The following DLGAP2 variants were observed in gnomAD, a reference collection of about 807,000 sequenced individuals.
DLGAP2 encodes the protein DLG associated protein 2.
A neutral mutation model predicts 100.3 loss-of-function variants in DLGAP2; 26 were observed. The observed-to-expected ratio is 0.26, with a 90% CI of 0.19 to 0.36. The LOEUF is 0.36. Ranked by LOEUF, DLGAP2 falls within the 10% of genes least tolerant of loss-of-function variation. DLGAP2 has a pLI of 1.00. For synonymous variants in DLGAP2, 886 were observed against 630.1 expected (o/e 1.41, Z -6.08); for missense variants, 1,858 against 1,453.2 (o/e 1.28, Z -4.53).
intron 3 of DLGAP2, among the ~76,000 whole-genome samples, chr8:1,318,406 T>C (rs1391471492): frequency 6.6e-6 from 1 of 151,426 alleles, no homozygotes; most frequent in African/African-American, 2.4e-5. Flanking sequence ...ACTGTCCATA[T>C]CTAGTTCACC....
intron 8 of DLGAP2, among the ~76,000 whole-genome samples, chr8:1,662,517 G>T (rs1477640663): frequency 6.6e-6 from 1 of 152,138 alleles, no homozygotes; most frequent in Non-Finnish European, 1.5e-5. Context: ...TGAGAAATAA[G>T]GTTCTGCTAT....
At chr8:1,626,281 C>T (rs868072739) in intron 6 of DLGAP2, among the ~76,000 whole-genome samples, 6 of 88,266 alleles carry the variant, frequency 6.8e-5, no homozygotes, top group Admixed American at 2.2e-4. Context: ...GGTTGGACGG[C>T]TGTTCCCATC....
intron 1 of DLGAP2, among the ~76,000 whole-genome samples, chr8:746,895 GC>G (rs1392066304): frequency 1.3e-5 from 2 of 152,220 alleles, no homozygotes; most frequent in East Asian, 3.9e-4. Flanking sequence ...CGAGGACGGT[GC>G]CCCTGTTAGG....
Position 1,032,209 on chromosome 8 carries a change from T to G in DLGAP2, c.73+124243T>G, listed in dbSNP as rs527905882. Reference sequence around the variant, plus strand: ...GGAGCTGTTCGCCTTCCAGAGCTCATAGTAGGAGGGGCAGCAAAGGTGTGT... The same window carrying G: ...GGAGCTGTTCGCCTTCCAGAGCTCAGAGTAGGAGGGGCAGCAAAGGTGTGT... On this transcript the variant is annotated intron_variant, in intron 2 of 14. Coordinates refer to ENST00000637795, the MANE Select transcript of DLGAP2 (RefSeq NM_001346810.2). Among the ~76,000 whole-genome samples the G allele has an allele frequency of 4.0e-4, 61 of 152,320 alleles. 1 individual carries two copies. Among genetic ancestry groups the G allele is most frequent in the Middle Eastern group, 6.8e-3 (2 of 294 alleles).
intron 1 of DLGAP2, among the ~76,000 whole-genome samples, chr8:818,931 T>C (rs1002971753): frequency 2.0e-5 from 3 of 152,180 alleles, no homozygotes; most frequent in Non-Finnish European, 4.4e-5. Context: ...GCAGTAACCA[T>C]GGAACAACTA....
chr8:1,328,923 G>C (rs560270330), intron 3 of DLGAP2, among the ~76,000 whole-genome samples: 8 of 152,282 alleles, frequency 5.3e-5, no homozygotes, highest in African/African-American at 1.9e-4. Flanking sequence ...ATAATGAAGG[G>C]TCTGATCCTC....
At chr8:830,243 A>C (rs1255022564) in intron 1 of DLGAP2, among the ~76,000 whole-genome samples, 3 of 152,208 alleles carry the variant, frequency 2.0e-5, no homozygotes, top group Non-Finnish European at 2.9e-5. Flanking sequence ...AATGTGTAAT[A>C]ATCACATCAG....
intron 3 of DLGAP2, among the ~76,000 whole-genome samples, chr8:1,312,927 CA>C (rs1563076522): frequency 6.6e-6 from 1 of 152,176 alleles, no homozygotes; most frequent in Admixed American, 6.5e-5. Flanking sequence ...TGAGTGAGGC[CA>C]AGCCCTACGT....
intron 2 of DLGAP2, among the ~76,000 whole-genome samples, chr8:956,460 C>T (rs1296417567): frequency 6.6e-6 from 1 of 152,138 alleles, no homozygotes; most frequent in African/African-American, 2.4e-5. Context: ...ATGAGAGGAC[C>T]CTCTCAGCTC....
intron 6 of DLGAP2, among the ~76,000 whole-genome samples, chr8:1,572,729 G>T (rs1360851187): frequency 4.0e-5 from 4 of 101,242 alleles, no homozygotes; most frequent in Admixed American, 9.4e-5. Context: ...AGAGGAGAGA[G>T]GGTGAACTGT....
chr8:1,498,838 C>T (rs182044844), intron 3 of DLGAP2, among the ~76,000 whole-genome samples: 2 of 152,282 alleles, frequency 1.3e-5, no homozygotes, highest in Admixed American at 6.5e-5. Flanking sequence ...TACAAAGCCT[C>T]GTTAGATAAG....
intron 4 of DLGAP2, among the ~76,000 whole-genome samples, chr8:1,509,053 C>T (rs1800058171): frequency 1.3e-5 from 2 of 152,244 alleles, no homozygotes; most frequent in South Asian, 4.1e-4. Context: ...ATAGACTAGG[C>T]CGGGCACGGT....
At chr8:1,327,176 A>G (rs1160661286) in intron 3 of DLGAP2, among the ~76,000 whole-genome samples, 1 of 152,080 alleles carries the variant, frequency 6.6e-6, no homozygotes, top group African/African-American at 2.4e-5. Flanking sequence ...CTCACATTTC[A>G]CCATTTAGGA....
Position 1,626,799 on chromosome 8 carries a change from C to T in DLGAP2, c.1502C>T (p.Ala501Val), listed in dbSNP as rs540100960. The change falls in exon 7 of 15, where the codon GCG (alanine) becomes GTG (valine). Residue 501 changes from alanine (A) to valine (V), a missense_variant. Ala to Val is a moderately conservative substitution (Grantham distance 64, BLOSUM62 0). Transcript: ENST00000637795. Reference sequence around the variant, plus strand: ...GTGGGACACAGCCTGGACCCCGCTGCGAACTACAACTCCCCGAAATTCCGC... The same window carrying T: ...GTGGGACACAGCCTGGACCCCGCTGTGAACTACAACTCCCCGAAATTCCGC... Reference protein sequence around the residue: ...VPVGHSLDPAANYNSPKFRSR... With the variant: ...VPVGHSLDPAVNYNSPKFRSR... 1.5e-5 allele frequency: 24 copies of T among 1,603,614 alleles called. No individual in the cohort carries two copies. The highest frequency in any genetic ancestry group is 1.6e-4 in the Middle Eastern group (1 of 6,080).
chr8:842,629 C>G (rs1267656483), intron 1 of DLGAP2, among the ~76,000 whole-genome samples: 2 of 69,026 alleles, frequency 2.9e-5, no homozygotes, highest in Non-Finnish European at 6.6e-5. Flanking sequence ...TAGCTTCTAA[C>G]ATTTTGTTCT....
chr8:1,630,492 GGAGATC>G (rs1195427705), intron 7 of DLGAP2, among the ~76,000 whole-genome samples: 1 of 152,102 alleles, frequency 6.6e-6, no homozygotes, highest in Non-Finnish European at 1.5e-5. Flanking sequence ...CACGAGGTCA[GGAGATC>G]GAGACCATCC....
intron 8 of DLGAP2, among the ~76,000 whole-genome samples, chr8:1,633,530 G>C (rs189541957): frequency 1.3e-5 from 2 of 152,234 alleles, no homozygotes; most frequent in East Asian, 3.9e-4. Flanking sequence ...CTATCTTAGA[G>C]CTCCGAAGAC....
chr8:1,219,266 A>G (rs987475405), intron 2 of DLGAP2, among the ~76,000 whole-genome samples: 2 of 152,142 alleles, frequency 1.3e-5, no homozygotes, highest in East Asian at 1.9e-4. Flanking sequence ...TTTGTCATAG[A>G]TGGCTCTTAT....
intron 14 of DLGAP2, among the ~76,000 whole-genome samples, chr8:1,697,602 G>C (rs1193856247): frequency 6.6e-6 from 1 of 152,164 alleles, no homozygotes; most frequent in Non-Finnish European, 1.5e-5. Context: ...AAGCAAACCT[G>C]CAGCCTCATT....
Sources: allele counts gnomAD v4.1 joint callset (sites outside exome capture counted in the v4.1 genomes callset), GRCh38; gene constraint gnomAD v4.1.1; transcripts MANE v1.5; gene names NCBI Gene and HGNC (gene_info 2026-07-23, HGNC 2026-07-21).